ZDHHC14: variants seen among roughly 807,000 people sequenced by gnomAD.
ZDHHC14 encodes the protein palmitoyltransferase ZDHHC14.
In ZDHHC14, 16 loss-of-function variants were observed where a neutral mutation model predicts 47.7. The observed-to-expected ratio is 0.34, with a 90% CI of 0.23 to 0.51. The LOEUF is 0.51. Among genes scored for constraint, ZDHHC14 ranks in the 20% least tolerant of loss-of-function variants. The pLI is 0.97. For missense variants in ZDHHC14, 515 were observed against 662.5 expected (o/e 0.78, Z 2.44); for synonymous variants, 293 against 278.9 (o/e 1.05, Z -0.50).
At chr6:157,514,403 C>G (rs1220571059) in intron 1 of ZDHHC14, among the ~76,000 whole-genome samples, 1 of 152,208 alleles carries the variant, frequency 6.6e-6, no homozygotes, top group Non-Finnish European at 1.5e-5. Context: ...GTGCAAAGAG[C>G]AAAACTTGGA....
intron 1 of ZDHHC14, among the ~76,000 whole-genome samples, chr6:157,516,490 TTTCCCTGTCAGAGTGTAAATCTATGAAAG>T (rs1157168309): frequency 2.0e-5 from 3 of 152,246 alleles, no homozygotes. Flanking sequence ...CTGGCCAGTC[TTTCCCTGTCAGAGTGTAAATCTATGAAAG>T]TGTCTCCTGC....
rs957613375 is a variant in ZDHHC14, at chr6:157,409,720, C to T, written c.245+27454C>T. Among the ~76,000 whole-genome samples, 4 of 152,188 alleles carry T rather than the reference C, an allele frequency of 2.6e-5. No homozygotes were observed. In the East Asian group the frequency reaches 5.8e-4, roughly 22 times the overall value. On this transcript the variant is annotated intron_variant, in intron 1 of 8. Transcript: ENST00000359775. ...TTTCCTCCTTCCTCTTCTTCACCTT[C>T]ATCATGATCCCATGAAAGTGTTTCC...
chr6:157,567,737 A>T (rs1335036968), intron 2 of ZDHHC14, among the ~76,000 whole-genome samples: 3 of 151,712 alleles, frequency 2.0e-5, no homozygotes, highest in Non-Finnish European at 2.9e-5. Flanking sequence ...GAATCAGTTG[A>T]ACCTGGGAGG....
At chr6:157,598,487 C>T (rs926500745) in intron 3 of ZDHHC14, among the ~76,000 whole-genome samples, 1 of 152,062 alleles carries the variant, frequency 6.6e-6, no homozygotes, top group African/African-American at 2.4e-5. Flanking sequence ...AGCCAGTCCC[C>T]AGGGATCATT....
intron 1 of ZDHHC14, among the ~76,000 whole-genome samples, chr6:157,454,498 CTTTTTTTTTT>C (rs5881212): frequency 7.8e-6 from 1 of 127,674 alleles, no homozygotes; most frequent in South Asian, 2.4e-4. Context: ...GCAGCTTCTT[CTTTTTTTTTT>C]TTTTTTTTGC....
At position 157,585,948 on chromosome 6, in the gene ZDHHC14, C is replaced by T. The variant is rs531817288; in HGVS notation, c.407-7040C>T. ...ACTTGAGGGCCTGTGGCTGTGATTC[C>T]CAGGCAGGGTGGAGGTGCGGGAGCA... On this transcript the variant is annotated intron_variant, in intron 2 of 8. Coordinates refer to ENST00000359775, the MANE Select transcript of ZDHHC14 (RefSeq NM_024630.3). Among the ~76,000 whole-genome samples, 90 of 152,302 alleles carry T rather than the reference C, an allele frequency of 5.9e-4. 1 individual carries two copies. The highest frequency in any genetic ancestry group is 3.4e-3 in the Middle Eastern group (1 of 292).
At position 157,572,889 on chromosome 6, in the gene ZDHHC14, T is replaced by C. The variant is rs1483822932; in HGVS notation, c.407-20099T>C. ...AAAAGGTTTTCTACTAATACTTCCATTGGGCTTTTTCCCCCGTCAATTCCT... is the reference window on the plus strand; with the variant it reads ...AAAAGGTTTTCTACTAATACTTCCACTGGGCTTTTTCCCCCGTCAATTCCT... On this transcript the variant is annotated intron_variant, in intron 2 of 8. Coordinates refer to ENST00000359775, the MANE Select transcript of ZDHHC14 (RefSeq NM_024630.3). 2.7e-5 allele frequency among the ~76,000 whole-genome samples: 4 copies of C among 150,694 alleles called. No homozygotes were observed. The South Asian group carries it at 6.2e-4, about 23-fold the overall frequency.
chr6:157,457,319 A>G (rs1435340576), intron 1 of ZDHHC14, among the ~76,000 whole-genome samples: 2 of 152,206 alleles, frequency 1.3e-5, no homozygotes, highest in Non-Finnish European at 2.9e-5. Context: ...CACAGCAAAT[A>G]GAAATGGAGC....
chr6:157,637,871 G>A (rs1322185714), intron 5 of ZDHHC14, among the ~76,000 whole-genome samples: 5 of 152,174 alleles, frequency 3.3e-5, no homozygotes, highest in Admixed American at 2.6e-4. Flanking sequence ...AGAGAGATTA[G>A]AAACAAAAAT....
intron 8 of ZDHHC14, among the ~76,000 whole-genome samples, chr6:157,669,856 G>C (rs1283393125): frequency 6.6e-6 from 1 of 152,238 alleles, no homozygotes; most frequent in Non-Finnish European, 1.5e-5. Flanking sequence ...AGGCTGTGCG[G>C]AGTTACAGGA....
intron 8 of ZDHHC14, among the ~76,000 whole-genome samples, chr6:157,654,950 G>C (rs924399346): frequency 9.9e-5 from 15 of 152,136 alleles, no homozygotes; most frequent in African/African-American, 3.4e-4. Context: ...GGCCAGGCTG[G>C]TCTCGAACTC....
chr6:157,656,242 T>C (rs2114996248), intron 8 of ZDHHC14, among the ~76,000 whole-genome samples: 1 of 152,314 alleles, frequency 6.6e-6, no homozygotes, highest in Middle Eastern at 3.4e-3. Flanking sequence ...GGAAGGGTTG[T>C]TGGAAGAGGA....
At chr6:157,412,857 C>T (rs1334631748) in intron 1 of ZDHHC14, among the ~76,000 whole-genome samples, 2 of 152,136 alleles carry the variant, frequency 1.3e-5, no homozygotes, top group Non-Finnish European at 2.9e-5. Flanking sequence ...GAGGATATAG[C>T]GTTGGGAAAT....
At chr6:157,491,946 C>T (rs1302452007) in intron 1 of ZDHHC14, among the ~76,000 whole-genome samples, 5 of 152,224 alleles carry the variant, frequency 3.3e-5, no homozygotes, top group Non-Finnish European at 5.9e-5. Flanking sequence ...GCGCACAGAG[C>T]TCACCTGTTG....
rs546889256 is a variant in ZDHHC14, at chr6:157,555,081, G to A, written c.406+12336G>A. ...ACGGTTGCCCAGGGTTCTCTTCCAG[G>A]GCCCCTCTCTTTCCCAGCTGTCCCT... is the stretch of plus-strand genomic sequence containing the variant. On this transcript the variant is annotated intron_variant, in intron 2 of 8. Transcript: ENST00000359775. Among the ~76,000 whole-genome samples the A allele has an allele frequency of 1.5e-3, 233 of 152,184 alleles. 5 individuals carry two copies. Among genetic ancestry groups the A allele is most frequent in the Non-Finnish European group, 2.4e-4 (16 of 68,000 alleles).
rs553424533 is a variant in ZDHHC14 at position 157,465,658 on chromosome 6, T to C, written c.246-76927T>C. Among the ~76,000 whole-genome samples, 7 of 151,922 alleles carry C rather than the reference T, an allele frequency of 4.6e-5. No homozygotes were observed. The South Asian group carries it at 1.5e-3, about 32-fold the overall frequency. ...TCTTCTGTGTAGTGCCATGAGGCTC[T>C]CGTTAAAATGTCACGTACCAGGAGA... is the stretch of plus-strand genomic sequence containing the variant. On this transcript the variant is annotated intron_variant, in intron 1 of 8. Coordinates refer to ENST00000359775, the MANE Select transcript of ZDHHC14 (RefSeq NM_024630.3).
At chr6:157,404,113 A>G (rs1777697764) in intron 1 of ZDHHC14, among the ~76,000 whole-genome samples, 2 of 152,212 alleles carry the variant, frequency 1.3e-5, no homozygotes, top group African/African-American at 4.8e-5. Context: ...AAAATAGAAT[A>G]CGTTGAACAT....
intron 5 of ZDHHC14, among the ~76,000 whole-genome samples, chr6:157,638,656 T>C (rs917757025): frequency 1.3e-5 from 2 of 152,218 alleles, no homozygotes; most frequent in African/African-American, 4.8e-5. Flanking sequence ...GCCTGGGCCC[T>C]GGAAGGATGA....
chr6:157,389,392 A>T (rs771484328), intron 1 of ZDHHC14, among the ~76,000 whole-genome samples: 1 of 152,228 alleles, frequency 6.6e-6, no homozygotes, highest in Non-Finnish European at 1.5e-5. Context: ...GTAATTTTTT[A>T]AGAAAAAGGA....
Sources: gnomAD v4.1 joint callset for allele counts (sites outside exome capture counted in the v4.1 genomes callset) on GRCh38, gnomAD v4.1.1 for gene constraint, MANE v1.5 for transcripts, NCBI Gene and HGNC (gene_info 2026-07-23, HGNC 2026-07-21) for gene names.